Variants in SNTG1 observed in about 807,000 individuals in gnomAD.
SNTG1 encodes syntrophin gamma 1.
Under a neutral mutation model 74.7 loss-of-function variants are expected in SNTG1, and 39 were observed. That is an observed-to-expected ratio of 0.52 (90% CI 0.40 to 0.68). SNTG1 has a LOEUF of 0.68. Ranked by LOEUF, SNTG1 falls within the 30% of genes least tolerant of loss-of-function variation. SNTG1 has a pLI of 0.00. For synonymous variants in SNTG1, 254 were observed against 217.1 expected, an observed-to-expected ratio of 1.17 and a Z score of -1.49; for missense variants, 685 against 609.5, an observed-to-expected ratio of 1.12 and a Z score of -1.30.
At chr8:50,779,009 T>C (rs1157251926) in intron 18 of SNTG1, among the ~76,000 whole-genome samples, 3 of 152,140 alleles carry the variant, frequency 2.0e-5, no homozygotes, top group Non-Finnish European at 4.4e-5. Flanking sequence ...GATCAGATAG[T>C]TGTAGATATG....
chr8:50,720,549 G>T (rs1377190956), intron 17 of SNTG1, among the ~76,000 whole-genome samples: 1 of 152,168 alleles, frequency 6.6e-6, no homozygotes, highest in Admixed American at 6.5e-5. Flanking sequence ...CTTTCATGCA[G>T]TATGGAGAAA....
intron 1 of SNTG1, among the ~76,000 whole-genome samples, chr8:49,920,709 C>T (rs1468626066): frequency 6.6e-6 from 1 of 151,972 alleles, no homozygotes; most frequent in Admixed American, 6.6e-5. Context: ...GGTTTTTGGA[C>T]AGCATAATCA....
intron 2 of SNTG1, among the ~76,000 whole-genome samples, chr8:50,234,707 G>A (rs113111889): frequency 4.6e-5 from 7 of 152,094 alleles, no homozygotes; most frequent in African/African-American, 1.4e-4. Context: ...CCTAAATATT[G>A]CTACTATTAG....
chr8:50,020,475 T>C (rs752184442), intron 1 of SNTG1, among the ~76,000 whole-genome samples: 17 of 152,202 alleles, frequency 1.1e-4, no homozygotes, highest in Non-Finnish European at 2.1e-4. Context: ...ATATGTACAA[T>C]GCAATCATTT....
rs1321483311 is a variant in SNTG1 at position 50,088,016 on chromosome 8, G to A, written c.-102-84545G>A. Among the ~76,000 whole-genome samples, 3 of 142,586 alleles carry A rather than the reference G, an allele frequency of 2.1e-5. No homozygotes were observed. In the East Asian group the frequency reaches 6.2e-4, roughly 30 times the overall value. The allele number at this position is 142,586 out of a possible 152,430, so 93.5% of individuals were successfully genotyped here. A position where few individuals can be genotyped will look rare whatever the true frequency, so the allele number is the denominator to read the frequency against. On this transcript the variant is annotated intron_variant, in intron 1 of 18. Transcript: ENST00000642720. The stretch of plus-strand genomic sequence containing the variant: ...CTCATTGTTCAATTCCCACCTATGA[G>A]TGAGAATATGCGGTGTTTGGTTTTT...
chr8:50,694,718 A>T (rs1008189141), intron 15 of SNTG1, among the ~76,000 whole-genome samples: 1 of 152,124 alleles, frequency 6.6e-6, no homozygotes, highest in African/African-American at 2.4e-5. Flanking sequence ...AACACATTAA[A>T]ATAATCATTT....
intron 8 of SNTG1, among the ~76,000 whole-genome samples, chr8:50,487,907 C>T (rs2093813187): frequency 1.3e-5 from 2 of 151,388 alleles, no homozygotes; most frequent in Admixed American, 6.6e-5. Context: ...TTCTTCATTG[C>T]TTATTCTGTG....
intron 1 of SNTG1, among the ~76,000 whole-genome samples, chr8:50,043,036 A>G (rs750986625): frequency 6.6e-6 from 1 of 152,144 alleles, no homozygotes; most frequent in Non-Finnish European, 1.5e-5. Flanking sequence ...ATTTATGATT[A>G]CTAGTTTTAT....
intron 13 of SNTG1, among the ~76,000 whole-genome samples, chr8:50,654,680 T>G (rs1233290750): frequency 6.6e-6 from 1 of 152,196 alleles, no homozygotes; most frequent in Non-Finnish European, 1.5e-5. Context: ...TATATTGACA[T>G]AAGTAATGTT....
At chr8:50,261,510 T>C (rs988924443) in intron 2 of SNTG1, among the ~76,000 whole-genome samples, 1 of 152,122 alleles carries the variant, frequency 6.6e-6, no homozygotes, top group African/African-American at 2.4e-5. Flanking sequence ...TTTTTATTCT[T>C]AGTTGATCAA....
intron 1 of SNTG1, among the ~76,000 whole-genome samples, chr8:50,009,024 T>TTTGA (rs76134137): frequency 0.81 from 123,090 of 151,608 alleles, 50,130 homozygotes; most frequent in East Asian, 0.94. Flanking sequence ...CAGTCAGTGC[T>TTTGA]TTATTTATTT....
chr8:49,954,050 T>A (rs893513713), intron 1 of SNTG1, among the ~76,000 whole-genome samples: 55 of 152,338 alleles, frequency 3.6e-4, no homozygotes, highest in African/African-American at 1.3e-3. Context: ...TATTTTCTGT[T>A]ACAATCAAAT....
At chr8:50,415,224 T>C (rs1376599864) in intron 4 of SNTG1, among the ~76,000 whole-genome samples, 2 of 152,128 alleles carry the variant, frequency 1.3e-5, no homozygotes, top group Non-Finnish European at 2.9e-5. Flanking sequence ...ATGGCAGTAA[T>C]GTAAAGCAGC....
At position 50,590,881 on chromosome 8, in the gene SNTG1, T is replaced by G; in HGVS notation, c.813T>G (p.Ile271Met). The change falls in exon 13 of 19, where the codon ATT becomes ATG. Residue 271 changes from isoleucine to methionine, a missense_variant and splice_region_variant. Physicochemically the swap from Ile to Met is conservative, Grantham distance 10. Transcript: ENST00000642720. ...TNISNLTKHN[I>M]KKINRNFPVN... ...TTATTATTTATTTATCATTGCAGAT[T>G]AAAAAAATCAACAGAAACTTTCCTG... 6.4e-7 allele frequency: 1 copy of G among 1,563,088 alleles called. No homozygotes were observed. Among genetic ancestry groups the G allele is most frequent in the Non-Finnish European group, 8.7e-7 (1 of 1,147,830 alleles).
intron 17 of SNTG1, among the ~76,000 whole-genome samples, chr8:50,731,031 A>G (rs780854296): frequency 1.3e-5 from 2 of 152,222 alleles, no homozygotes; most frequent in Non-Finnish European, 2.9e-5. Context: ...GCTCTAATAA[A>G]TTAAGAATCT....
intron 2 of SNTG1, among the ~76,000 whole-genome samples, chr8:50,258,316 T>C (rs146711380): frequency 0.013 from 2,037 of 152,336 alleles, 23 homozygotes; most frequent in Non-Finnish European, 0.022. Flanking sequence ...TTCTGAAATA[T>C]GCTATTTTAA....
In SNTG1 at chr8:50,449,017, G is replaced by A. The variant is rs1443537556; in HGVS notation, c.220-651G>A. On this transcript the variant is annotated intron_variant, in intron 5 of 18. Coordinates refer to ENST00000642720, the MANE Select transcript of SNTG1 (RefSeq NM_018967.5). Reference sequence around the variant, plus strand: ...CACTCCAGCCTGGGCAACAGAGCGAGTCTCCTCCGTCTCAAAAAATAAAAT... The same window carrying A: ...CACTCCAGCCTGGGCAACAGAGCGAATCTCCTCCGTCTCAAAAAATAAAAT... 4.6e-5 allele frequency among the ~76,000 whole-genome samples: 7 copies of A among 152,090 alleles called. No individual in the cohort carries two copies. The South Asian group carries it at 1.2e-3, about 27-fold the overall frequency.
intron 2 of SNTG1, among the ~76,000 whole-genome samples, chr8:50,259,804 T>C (rs1209873717): frequency 6.6e-6 from 1 of 152,094 alleles, no homozygotes; most frequent in Admixed American, 6.6e-5. Context: ...GCCACATAAA[T>C]TGAAGAAGCA....
intron 12 of SNTG1, among the ~76,000 whole-genome samples, chr8:50,554,469 A>C (rs1015140531): frequency 1.1e-4 from 16 of 148,818 alleles, no homozygotes; most frequent in Non-Finnish European, 1.9e-4. Context: ...GAATAAAAAC[A>C]GATTTTCCTT....
Sources: gnomAD v4.1 joint callset for allele counts (sites outside exome capture counted in the v4.1 genomes callset) on GRCh38, gnomAD v4.1.1 for gene constraint, MANE v1.5 for transcripts, NCBI Gene and HGNC (gene_info 2026-07-23, HGNC 2026-07-21) for gene names.